The following EYS variants were observed in gnomAD, a reference collection of about 807,000 sequenced individuals.
The protein encoded by EYS is protein eyes shut homolog.
A neutral mutation model predicts 282.1 loss-of-function variants in EYS; 250 were observed. The observed-to-expected ratio is 0.89, with a 90% CI of 0.80 to 0.98. The LOEUF (loss-of-function observed/expected upper bound fraction) is 0.98. Among genes scored for constraint, EYS ranks in the 50% least tolerant of loss-of-function variants. The pLI is 0.00. For missense variants in EYS, 4,016 were observed against 3,709.0 expected, an observed-to-expected ratio of 1.08 and a Z score of -2.15; for synonymous variants, 1,355 against 1,282.9, an observed-to-expected ratio of 1.06 and a Z score of -1.20.
intron 40 of EYS, among the ~76,000 whole-genome samples, chr6:63,764,523 T>G (rs1769733956): frequency 6.6e-6 from 1 of 152,032 alleles, no homozygotes; most frequent in Non-Finnish European, 1.5e-5. Flanking sequence ...AAGTGACGAT[T>G]GCGCCATCTA....
chr6:63,971,070 A>G (rs6936802), intron 35 of EYS, among the ~76,000 whole-genome samples: 49,772 of 152,076 alleles, frequency 0.33, 8,292 homozygotes, highest in Middle Eastern at 0.38. Flanking sequence ...CTTTTTGTTC[A>G]AAACAAGTTA....
chr6:65,042,063 A>C (rs1419228183), intron 13 of EYS, among the ~76,000 whole-genome samples: 1 of 151,634 alleles, frequency 6.6e-6, no homozygotes, highest in Non-Finnish European at 1.5e-5. Context: ...TATTGTATGC[A>C]TGGTTCTGCT....
At chr6:65,628,971 T>C (rs1238190277) in intron 2 of EYS, among the ~76,000 whole-genome samples, 1 of 152,204 alleles carries the variant, frequency 6.6e-6, no homozygotes, top group Non-Finnish European at 1.5e-5. Flanking sequence ...TTGAAACACA[T>C]TTTTAACCAC....
chr6:65,494,979 C>T lies in EYS; in HGVS notation c.432G>A (p.Gly144=), dbSNP rs1419032489. 2 of 1,614,158 alleles carry T rather than the reference C, an allele frequency of 1.2e-6. No homozygotes were observed. Among genetic ancestry groups the T allele is most frequent in the Non-Finnish European group, 1.7e-6 (2 of 1,180,008 alleles). ...CCATAACTGTGATAAAATAATGTGT[C>T]CCAACACTCAGCCACTTAGAATTAA... The part of the protein sequence containing the change: ...HTVNSKWLSV[G]THYFITVMAS... The change falls in exon 4 of 43, where the codon GGG becomes GGA. Residue 144 remains glycine (G), a synonymous_variant. Coordinates refer to ENST00000503581, the MANE Select transcript of EYS (RefSeq NM_001142800.2).
chr6:65,160,853 C>A (rs751051352), intron 12 of EYS, among the ~76,000 whole-genome samples: 1 of 138,404 alleles, frequency 7.2e-6, no homozygotes, highest in Non-Finnish European at 1.6e-5. Flanking sequence ...TTATATTTTC[C>A]CCCAAAACTA....
intron 2 of EYS, among the ~76,000 whole-genome samples, chr6:65,524,786 T>C (rs1265005352): frequency 6.6e-6 from 1 of 152,232 alleles, no homozygotes; most frequent in African/African-American, 2.4e-5. Flanking sequence ...ATGTAGGGAA[T>C]ACAAATCCAC....
chr6:65,629,013 T>G (rs1766819077), intron 2 of EYS, among the ~76,000 whole-genome samples: 1 of 152,222 alleles, frequency 6.6e-6, no homozygotes, highest in South Asian at 2.1e-4. Flanking sequence ...AGAAATGATT[T>G]GATCAGCAAA....
At chr6:64,967,160 C>T (rs1282911832) in intron 14 of EYS, among the ~76,000 whole-genome samples, 2 of 151,924 alleles carry the variant, frequency 1.3e-5, no homozygotes, top group African/African-American at 4.8e-5. Flanking sequence ...TGTCTCTAAC[C>T]ATACTCAGTC....
chr6:65,193,096 T>G (rs527554821), intron 12 of EYS, among the ~76,000 whole-genome samples: 1 of 152,040 alleles, frequency 6.6e-6, no homozygotes, highest in East Asian at 1.9e-4. Context: ...ACGTTCTCAC[T>G]CATCTGTGGG....
At chr6:64,887,128 T>G (rs934962670) in intron 18 of EYS, among the ~76,000 whole-genome samples, 11 of 151,760 alleles carry the variant, frequency 7.2e-5, no homozygotes, top group Non-Finnish European at 1.5e-4. Flanking sequence ...ATGTCCTTTG[T>G]AGGGACATGG....
At chr6:65,675,476 G>A (rs1768551737) in intron 1 of EYS, among the ~76,000 whole-genome samples, 1 of 151,782 alleles carries the variant, frequency 6.6e-6, no homozygotes, top group Non-Finnish European at 1.5e-5. Flanking sequence ...AGCCATATTT[G>A]TATCAGACAA....
intron 5 of EYS, among the ~76,000 whole-genome samples, chr6:65,472,057 AT>A (rs1192341028): frequency 6.6e-6 from 1 of 152,140 alleles, no homozygotes; most frequent in Admixed American, 6.5e-5. Context: ...TAAACAGTAC[AT>A]TTTTTTATGG....
At chr6:65,518,551 T>G (rs1463126223) in intron 2 of EYS, among the ~76,000 whole-genome samples, 1 of 152,308 alleles carries the variant, frequency 6.6e-6, no homozygotes, top group Non-Finnish European at 1.5e-5. Flanking sequence ...AGATTTATTT[T>G]ATTTATTTTC....
intron 11 of EYS, among the ~76,000 whole-genome samples, chr6:65,317,716 C>T (rs1769329688): frequency 6.6e-6 from 1 of 152,120 alleles, no homozygotes; most frequent in Admixed American, 6.5e-5. Flanking sequence ...GTTAAGCTCA[C>T]TCACTTGGAT....
intron 1 of EYS, among the ~76,000 whole-genome samples, chr6:65,689,432 A>T (rs1769156092): frequency 6.8e-6 from 1 of 147,944 alleles, no homozygotes; most frequent in Non-Finnish European, 1.5e-5. Context: ...TTAAATGACG[A>T]TTTACTGGGT....
Position 64,321,356 on chromosome 6 carries a change from T to C in EYS, c.6079-14274A>G, listed in dbSNP as rs1263328394. Among the ~76,000 whole-genome samples, 4 of 151,858 alleles carry C rather than the reference T, an allele frequency of 2.6e-5. No homozygotes were observed. The East Asian group carries it at 7.7e-4, about 29-fold the overall frequency. ...ATTCATTTATTGATATATTCATTGA[T>C]AATATAATCAAATTTCATTAGTACC... On this transcript the variant is annotated intron_variant, in intron 29 of 42. Transcript: ENST00000503581.
intron 35 of EYS, among the ~76,000 whole-genome samples, chr6:63,939,725 G>A (rs1765177115): frequency 6.6e-6 from 1 of 151,432 alleles, no homozygotes; most frequent in African/African-American, 2.4e-5. Flanking sequence ...CTAAGGAAAA[G>A]ATATGTCATA....
chr6:64,862,255 G>C (rs1766273049), intron 19 of EYS, among the ~76,000 whole-genome samples: 1 of 152,088 alleles, frequency 6.6e-6, no homozygotes, highest in Non-Finnish European at 1.5e-5. Context: ...TTTCTGTAAT[G>C]AATTCTGCTT....
intron 29 of EYS, among the ~76,000 whole-genome samples, chr6:64,380,623 C>A (rs1001675621): frequency 6.6e-6 from 1 of 152,096 alleles, no homozygotes; most frequent in East Asian, 1.9e-4. Context: ...TGAAGTTAGA[C>A]TATTTAACTT....
Sources: gnomAD v4.1 joint callset for allele counts (sites outside exome capture counted in the v4.1 genomes callset) on GRCh38, gnomAD v4.1.1 for gene constraint, MANE v1.5 for transcripts, NCBI Gene and HGNC (gene_info 2026-07-23, HGNC 2026-07-21) for gene names.